HTRA2: variants seen among roughly 807,000 people sequenced by gnomAD.
HTRA2 encodes serine protease HTRA2, mitochondrial.
A neutral mutation model predicts 42.2 loss-of-function variants in HTRA2; 24 were observed. The observed-to-expected ratio is 0.57, with a 90% CI of 0.41 to 0.80. HTRA2 has a LOEUF of 0.80. Among genes scored for constraint, HTRA2 ranks in the 30% least tolerant of loss-of-function variants. The probability of loss-of-function intolerance (pLI) is 0.00; values close to 1 mark genes in which losing one functional copy is unlikely to be tolerated. For missense variants in HTRA2, 466 were observed against 613.5 expected, an observed-to-expected ratio of 0.76 and a Z score of 2.54; for synonymous variants, 245 against 255.8, an observed-to-expected ratio of 0.96 and a Z score of 0.40.
intron 3 of HTRA2, 91 bp downstream of exon 3, chr2:74,531,196 C>T (rs1427608249): frequency 1.4e-5 from 21 of 1,543,192 alleles, no homozygotes; most frequent in Non-Finnish European, 1.8e-5. Flanking sequence ...GTGGATGAGC[C>T]TATATAGAGC....
rs770293778 is a variant in HTRA2 at position 74,530,824 on chromosome 2, G to GGGGGCTGGGGTAGGCC, written c.711+4_711+19dup. On this transcript the variant is annotated splice_donor_region_variant and intron_variant, in intron 2 of 7. Coordinates refer to ENST00000258080, the MANE Select transcript of HTRA2 (RefSeq NM_013247.5). This position sits in a 1 kb window ranked among gnomAD's most constrained non-coding sequence, Gnocchi z 7.4. ...CAACGCTGAGGATTCAGACTAAGGT[G>GGGGGCTGGGGTAGGCC]GGGGCTGGGGTAGGCCAGGTCTGGT... is the stretch of plus-strand genomic sequence containing the variant. The GGGGGCTGGGGTAGGCC allele has an allele frequency of 1.2e-6, 2 of 1,614,168 alleles. No homozygotes were observed. Among genetic ancestry groups the GGGGGCTGGGGTAGGCC allele is most frequent in the South Asian group, 2.2e-5 (2 of 91,082 alleles).
At chr2:74,529,916 C>T (rs1413323111), upstream of HTRA2, 14 of 1,472,284 alleles carry the variant, frequency 9.5e-6, no homozygotes, top group Non-Finnish European at 5.4e-6. Flanking sequence ...ACTTCAGGTA[C>T]CGGCGTGCCC....
Position 74,530,404 on chromosome 2 carries a change from C to A in HTRA2, c.398C>A (p.Ala133Asp). ...GGGRGPPAVL[A>D]AVPSPPPASP... ...GGTCGGGGTCCTCCGGCCGTCCTCGCCGCCGTCCCTAGCCCGCCGCCCGCT... is the reference window on the plus strand; with the variant it reads ...GGTCGGGGTCCTCCGGCCGTCCTCGACGCCGTCCCTAGCCCGCCGCCCGCT... The change falls in exon 1 of 8, where the codon GCC (alanine) becomes GAC (aspartate). Residue 133 changes from alanine (A) to aspartate (D), a missense_variant. Ala to Asp is a moderately radical substitution (Grantham distance 126). Around this residue, in one of 3 missense-constraint regions of HTRA2, gnomAD observed 222 missense variants for 205.1 expected, o/e 1.08. Coordinates refer to ENST00000258080, the MANE Select transcript of HTRA2 (RefSeq NM_013247.5). This position sits in a 1 kb window ranked among gnomAD's most constrained non-coding sequence, Gnocchi z 7.4. 1.3e-6 allele frequency: 2 copies of A among 1,596,984 alleles called. No homozygotes were observed. Among genetic ancestry groups the A allele is most frequent in the Non-Finnish European group, 1.7e-6 (2 of 1,174,900 alleles).
At chr2:74,529,563 C>G (rs759810557), upstream of HTRA2, 64 of 1,555,806 alleles carry the variant, frequency 4.1e-5, no homozygotes, top group Non-Finnish European at 5.3e-5. Flanking sequence ...TCGGTCTCTT[C>G]CCGCCGGGTC....
rs1390734051 is a variant in HTRA2 at position 74,530,143 on chromosome 2, C to T, written c.137C>T (p.Pro46Leu). The change falls in exon 1 of 8, where the codon CCC becomes CTC. Residue 46 changes from proline (P) to leucine (L), a missense_variant. Pro to Leu is a moderately conservative substitution (Grantham distance 98). Transcript: ENST00000258080. This position sits in a 1 kb window ranked among gnomAD's most constrained non-coding sequence, Gnocchi z 7.4. ...CTGCTGACGTCAGGAACTTCTGACC[C>T]CCGGGCCCGAGTGACTTATGGGACC... The part of the protein sequence containing the change: ...RALLTSGTSD[P>L]RARVTYGTPS... 6.2e-7 allele frequency: 1 copy of T among 1,612,260 alleles called. No homozygotes were observed. Among genetic ancestry groups the T allele is most frequent in the Non-Finnish European group, 8.5e-7 (1 of 1,179,358 alleles).
At position 74,530,672 on chromosome 2, in the gene HTRA2, G is replaced by T; in HGVS notation, c.562G>T (p.Ala188Ser). ...CTCGAACGGCTCAGGATTCGTGGTG[G>T]CTGCCGATGGGCTCATTGTCACCAA... ...PISNGSGFVV[A>S]ADGLIVTNAH... The change falls in exon 2 of 8, where the codon GCT (alanine) becomes TCT (serine). Residue 188 changes from alanine to serine, a missense_variant. This residue lies in a region of HTRA2 where 115 missense variants were observed against 245.4 expected (regional missense o/e 0.47). Coordinates refer to ENST00000258080, the MANE Select transcript of HTRA2 (RefSeq NM_013247.5). This position sits in a 1 kb window ranked among gnomAD's most constrained non-coding sequence, Gnocchi z 7.4. 2 of 1,614,172 alleles carry T rather than the reference G, an allele frequency of 1.2e-6. No homozygotes were observed. Among genetic ancestry groups the T allele is most frequent in the Non-Finnish European group, 8.5e-7 (1 of 1,180,040 alleles).
In HTRA2 at chr2:74,532,903, G is replaced by A. The variant is rs772099633; in HGVS notation, c.1295G>A (p.Arg432Gln). The A allele has an allele frequency of 2.5e-6, 4 of 1,614,064 alleles. No homozygotes were observed. Among genetic ancestry groups the A allele is most frequent in the Non-Finnish European group, 2.5e-6 (3 of 1,180,006 alleles). The part of the protein sequence containing the change: ...QNAEDVYEAV[R>Q]TQSQLAVQIR... ...GCTGAAGATGTTTATGAAGCTGTTC[G>A]AACCCAATCCCAGTTGGCAGTGCAG... The change falls in exon 8 of 8, where the codon CGA (arginine) becomes CAA (glutamine). Residue 432 changes from arginine (R) to glutamine (Q), a missense_variant. Arg to Gln is a conservative substitution (Grantham distance 43). Transcript: ENST00000258080.
In HTRA2 at chr2:74,530,069, G is replaced by A; in HGVS notation, c.63G>A (p.Gly21=). The A allele has an allele frequency of 6.3e-7, 1 of 1,591,276 alleles. No homozygotes were observed. The highest frequency in any genetic ancestry group is 8.6e-7 in the Non-Finnish European group (1 of 1,163,404). ...GCCTTCGGGCATGGCGGGCTTTGGG[G>A]GGCATTCGCTGGGGGAGGAGACCCC... ...GWSLRAWRAL[G]GIRWGRRPRL... is the part of the protein sequence containing the mutation. Residue 21 remains glycine, a synonymous_variant, in exon 1 of 8, where the codon GGG becomes GGA. Coordinates refer to ENST00000258080, the MANE Select transcript of HTRA2 (RefSeq NM_013247.5). The surrounding 1 kb of genome is among the most constrained non-coding windows in gnomAD (Gnocchi z 7.4).
Position 74,530,583 on chromosome 2 carries a change from G to A in HTRA2, c.507-34G>A. 6.2e-7 allele frequency: 1 copy of A among 1,613,726 alleles called. No individual in the cohort carries two copies. On this transcript the variant is annotated intron_variant, in intron 1 of 7. Coordinates refer to ENST00000258080, the MANE Select transcript of HTRA2 (RefSeq NM_013247.5). The surrounding 1 kb of genome is among the most constrained non-coding windows in gnomAD (Gnocchi z 7.4). ...GGGCGGGCGGGTAGGAGGGGTCAGA[G>A]CCTCCTCTTATCTGTGCTTTCCCTC...
In HTRA2 at chr2:74,530,873, C is replaced by A. The variant is rs760267720; in HGVS notation, c.712-38C>A. On this transcript the variant is annotated intron_variant, in intron 2 of 7. Coordinates refer to ENST00000258080, the MANE Select transcript of HTRA2 (RefSeq NM_013247.5). The surrounding 1 kb of genome is among the most constrained non-coding windows in gnomAD (Gnocchi z 7.4). ...GTTGGAGCTGCTTATTTGCTCGCAT[C>A]TTCAGATGACAGGTCTCTTTTACCC... 1.6e-4 allele frequency: 257 copies of A among 1,614,054 alleles called. No homozygotes were observed. Among genetic ancestry groups the A allele is most frequent in the Non-Finnish European group, 2.1e-4 (251 of 1,180,044 alleles).
chr2:74,530,626 C>T lies in HTRA2; in HGVS notation c.516C>T (p.Phe172=). Residue 172 remains phenylalanine, a synonymous_variant, in exon 2 of 8, where the codon TTC becomes TTT. Transcript: ENST00000258080. The surrounding 1 kb of genome is among the most constrained non-coding windows in gnomAD (Gnocchi z 7.4). ...TTTCCCTCCATTTCAGGCACCCTTT[C>T]TTGGGCCGCGAGGTCCCTATCTCGA... ...VYIEILDRHP[F]LGREVPISNG... 1.2e-6 allele frequency: 2 copies of T among 1,614,136 alleles called. No homozygotes were observed. Among genetic ancestry groups the T allele is most frequent in the Non-Finnish European group, 8.5e-7 (1 of 1,180,044 alleles).
chr2:74,533,111 C>A lies in HTRA2; in HGVS notation c.*126C>A. On this transcript the variant is annotated 3_prime_UTR_variant, in exon 8 of 8. Coordinates refer to ENST00000258080, the MANE Select transcript of HTRA2 (RefSeq NM_013247.5). Reference sequence around the variant, plus strand: ...GGGCAGGTCCCTCCAACCACCAGCACTGACTCCTGGGCTCTGAAGAATCAC... The same window carrying A: ...GGGCAGGTCCCTCCAACCACCAGCAATGACTCCTGGGCTCTGAAGAATCAC... 1 of 794,456 alleles carries A rather than the reference C, an allele frequency of 1.3e-6. No homozygotes were observed. The highest frequency in any genetic ancestry group is 2.5e-5 in the East Asian group (1 of 39,760). The allele number at this position is 794,456 out of a possible 1,614,324, so 49.2% of individuals were successfully genotyped here.
At position 74,530,601 on chromosome 2, in the gene HTRA2, T is replaced by G; in HGVS notation, c.507-16T>G. 1 of 1,613,990 alleles carries G rather than the reference T, an allele frequency of 6.2e-7. No homozygotes were observed. Among genetic ancestry groups the G allele is most frequent in the Non-Finnish European group, 8.5e-7 (1 of 1,180,028 alleles). On this transcript the variant is annotated splice_polypyrimidine_tract_variant and intron_variant, in intron 1 of 7. Transcript: ENST00000258080. The surrounding 1 kb of genome is among the most constrained non-coding windows in gnomAD (Gnocchi z 7.4). The stretch of plus-strand genomic sequence containing the variant: ...GGTCAGAGCCTCCTCTTATCTGTGC[T>G]TTCCCTCCATTTCAGGCACCCTTTC...
intron 6 of HTRA2, 68 bp from the exon 7 acceptor site, chr2:74,532,551 C>A: frequency 8.2e-7 from 1 of 1,219,032 alleles, no homozygotes; most frequent in Non-Finnish European, 1.2e-6. Flanking sequence ...TGATGAGAGA[C>A]TTGAGGTGGA....
At position 74,530,590 on chromosome 2, in the gene HTRA2, C is replaced by A; in HGVS notation, c.507-27C>A. 1 of 1,613,902 alleles carries A rather than the reference C, an allele frequency of 6.2e-7. No homozygotes were observed. The highest frequency in any genetic ancestry group is 8.5e-7 in the Non-Finnish European group (1 of 1,180,014). On this transcript the variant is annotated intron_variant, in intron 1 of 7. Transcript: ENST00000258080. The surrounding 1 kb of genome is among the most constrained non-coding windows in gnomAD (Gnocchi z 7.4). ...CGGGTAGGAGGGGTCAGAGCCTCCT[C>A]TTATCTGTGCTTTCCCTCCATTTCA...
chr2:74,530,677 C>T lies in HTRA2; in HGVS notation c.567C>T (p.Ala189=), dbSNP rs761982261. 6.2e-7 allele frequency: 1 copy of T among 1,614,160 alleles called. No individual in the cohort carries two copies. Among genetic ancestry groups the T allele is most frequent in the Non-Finnish European group, 8.5e-7 (1 of 1,180,032 alleles). ...ISNGSGFVVA[A]DGLIVTNAHV... ...ACGGCTCAGGATTCGTGGTGGCTGCCGATGGGCTCATTGTCACCAACGCCC... is the reference window on the plus strand; with the variant it reads ...ACGGCTCAGGATTCGTGGTGGCTGCTGATGGGCTCATTGTCACCAACGCCC... The change falls in exon 2 of 8, where the codon GCC becomes GCT. Residue 189 remains alanine, a synonymous_variant. Coordinates refer to ENST00000258080, the MANE Select transcript of HTRA2 (RefSeq NM_013247.5). This position sits in a 1 kb window ranked among gnomAD's most constrained non-coding sequence, Gnocchi z 7.4.
downstream of HTRA2, chr2:74,533,547 T>C: frequency 6.7e-7 from 1 of 1,500,850 alleles, no homozygotes; most frequent in Non-Finnish European, 9.2e-7. Flanking sequence ...CCTGAGGTAA[T>C]GGCAGCCTCA....
Position 74,530,906 on chromosome 2 carries a change from C to T in HTRA2, c.712-5C>T, listed in dbSNP as rs771190615. On this transcript the variant is annotated splice_polypyrimidine_tract_variant and splice_region_variant and intron_variant, in intron 2 of 7. Coordinates refer to ENST00000258080, the MANE Select transcript of HTRA2 (RefSeq NM_013247.5). The surrounding 1 kb of genome is among the most constrained non-coding windows in gnomAD (Gnocchi z 7.4). Reference sequence around the variant, plus strand: ...GACAGGTCTCTTTTACCCATTCTCCCTTAGGAGCCTCTCCCCACGCTGCCT... The same window carrying T: ...GACAGGTCTCTTTTACCCATTCTCCTTTAGGAGCCTCTCCCCACGCTGCCT... 6 of 1,614,160 alleles carry T rather than the reference C, an allele frequency of 3.7e-6. No homozygotes were observed. In the Admixed American group the frequency reaches 5.0e-5, roughly 13 times the overall value.
In HTRA2 at chr2:74,531,369, C is replaced by T. The variant is rs766035905; in HGVS notation, c.937C>T (p.Leu313=). 2 of 1,613,986 alleles carry T rather than the reference C, an allele frequency of 1.2e-6. No individual in the cohort carries two copies. Among genetic ancestry groups the T allele is most frequent in the East Asian group, 2.2e-5 (1 of 44,894 alleles). Reference sequence around the variant, plus strand: ...AAACTCTGGAGGTCCCCTGGTTAACCTGGTGAGTGAGACATCCTTCCTTCC... The same window carrying T: ...AAACTCTGGAGGTCCCCTGGTTAACTTGGTGAGTGAGACATCCTTCCTTCC... ...FGNSGGPLVN[L]DGEVIGVNTM... Residue 313 remains leucine, a splice_region_variant and synonymous_variant, in exon 4 of 8, where the codon CTG becomes TTG. Coordinates refer to ENST00000258080, the MANE Select transcript of HTRA2 (RefSeq NM_013247.5).
Sources: gnomAD v4.1 joint callset for allele counts on GRCh38, gnomAD v4.1.1 for gene constraint, gnomAD v4.1.1 regional missense constraint, Gnocchi (gnomAD v3.1) non-coding constraint, MANE v1.5 for transcripts, NCBI Gene and HGNC (gene_info 2026-07-23, HGNC 2026-07-21) for gene names.